STAMBP: variants seen among roughly 807,000 people sequenced by gnomAD.
The protein encoded by STAMBP is STAM-binding protein.
In STAMBP, 31 loss-of-function variants were observed where a neutral mutation model predicts 50.7. That is an observed-to-expected ratio of 0.61 (90% CI 0.46 to 0.83). The LOEUF (loss-of-function observed/expected upper bound fraction) is 0.83, where lower values mean the gene tolerates loss of function less well. STAMBP is among the 40% of genes least tolerant of loss of function. The pLI is 0.00. For missense variants in STAMBP, 472 were observed against 518.9 expected, an observed-to-expected ratio of 0.91 and a Z score of 0.88; for synonymous variants, 211 against 192.4, an observed-to-expected ratio of 1.10 and a Z score of -0.80.
At chr2:73,853,245 G>A (rs1038592289) in intron 7 of STAMBP, among the ~76,000 whole-genome samples, 3 of 152,114 alleles carry the variant, frequency 2.0e-5, no homozygotes, top group Admixed American at 2.0e-4. Flanking sequence ...AGTTTGTGGA[G>A]ACAATGAAGT....
At chr2:73,833,049 C>T (rs1208702465) in intron 2 of STAMBP, among the ~76,000 whole-genome samples, 1 of 152,158 alleles carries the variant, frequency 6.6e-6, no homozygotes, top group Non-Finnish European at 1.5e-5. Flanking sequence ...CAGAATGTTC[C>T]ACCCCATAGT....
At chr2:73,872,899 G>A (rs77774021) in intron 10 of STAMBP, among the ~76,000 whole-genome samples, 2,363 of 152,252 alleles carry the variant, frequency 0.016, 66 homozygotes, top group African/African-American at 0.054. Context: ...CACGTAAACC[G>A]TGATTACTTA....
intron 2 of STAMBP, among the ~76,000 whole-genome samples, chr2:73,832,112 CAT>C (rs897770640): frequency 7.7e-5 from 6 of 78,036 alleles, no homozygotes; most frequent in Admixed American, 4.0e-4. Context: ...TATATATACA[CAT>C]ATATATGGTG....
In STAMBP at chr2:73,862,499, C is replaced by G. The variant is rs1487433938; in HGVS notation, c.*240C>G. On this transcript the variant is annotated 3_prime_UTR_variant, in exon 10 of 10. Transcript: ENST00000394070. ...CAACTGTAACTCAGAAATTAAGTTACTCAGAAATTAAGTAGCTCAGAAATT... is the reference window on the plus strand; with the variant it reads ...CAACTGTAACTCAGAAATTAAGTTAGTCAGAAATTAAGTAGCTCAGAAATT... The G allele has an allele frequency of 6.1e-6, 2 of 327,814 alleles. No individual in the cohort carries two copies. Among genetic ancestry groups the G allele is most frequent in the Middle Eastern group, 8.3e-4 (1 of 1,202 alleles). 20.3% of individuals were successfully genotyped at this position (327,814 alleles called of 1,614,324 possible). A position where few individuals can be genotyped will look rare whatever the true frequency, so the allele number is the denominator to read the frequency against.
At chr2:73,857,878 A>G (rs866074897) in intron 7 of STAMBP, among the ~76,000 whole-genome samples, 5 of 152,168 alleles carry the variant, frequency 3.3e-5, no homozygotes, top group Middle Eastern at 3.4e-3. Flanking sequence ...GGACAATGCA[A>G]TCTAAGTTAT....
intron 4 of STAMBP, among the ~76,000 whole-genome samples, chr2:73,846,196 T>C (rs924283120): frequency 2.0e-5 from 3 of 152,170 alleles, no homozygotes; most frequent in African/African-American, 7.2e-5. Context: ...TTCTTTCTTT[T>C]TTTTTTTAAT....
chr2:73,832,108 T>TAC lies in STAMBP; in HGVS notation c.203+1053_203+1054dup, dbSNP rs1553376119. Among the ~76,000 whole-genome samples the TAC allele has an allele frequency of 6.2e-3, 754 of 121,656 alleles. 5 individuals are homozygous for TAC. Among genetic ancestry groups the TAC allele is most frequent in the South Asian group, 0.02 (79 of 4,038 alleles). 79.8% of individuals were successfully genotyped at this position (121,656 alleles called of 152,430 possible). On this transcript the variant is annotated intron_variant, in intron 2 of 9. Coordinates refer to ENST00000394070, the MANE Select transcript of STAMBP (RefSeq NM_213622.4). ...ACATATATATATATATATATATATATACACATATATATGGTGCACAATTCA... is the reference window on the plus strand; with the variant it reads ...ACATATATATATATATATATATATATACACACATATATATGGTGCACAATTCA...
chr2:73,849,904 G>A (rs1468544303), intron 6 of STAMBP, among the ~76,000 whole-genome samples: 4 of 152,112 alleles, frequency 2.6e-5, no homozygotes, highest in Admixed American at 6.5e-5. Context: ...TATAAGTATT[G>A]GGAATTTTGA....
intron 2 of STAMBP, among the ~76,000 whole-genome samples, chr2:73,836,388 C>G (rs1469374551): frequency 1.3e-5 from 2 of 152,222 alleles, no homozygotes; most frequent in African/African-American, 4.8e-5. Context: ...CCGGCAGCCT[C>G]CCCCTCCCCT....
chr2:73,847,591 G>T lies in STAMBP; in HGVS notation c.580G>T (p.Gly194Cys). ...EFGKVDPGLG[G>C]PLVPDLEKPS... is the part of the protein sequence containing the mutation. Reference sequence around the variant, plus strand: ...TGGGAAGGTAGACCCTGGCCTAGGTGGCCCGCTAGTGCCTGACTTGGAGAA... The same window carrying T: ...TGGGAAGGTAGACCCTGGCCTAGGTTGCCCGCTAGTGCCTGACTTGGAGAA... Residue 194 changes from glycine to cysteine, a missense_variant, in exon 5 of 10, where the codon GGC becomes TGC. By Grantham distance (159) the Gly-to-Cys change is radical. Coordinates refer to ENST00000394070, the MANE Select transcript of STAMBP (RefSeq NM_213622.4). 6.2e-7 allele frequency: 1 copy of T among 1,614,186 alleles called. No homozygotes were observed. The highest frequency in any genetic ancestry group is 8.5e-7 in the Non-Finnish European group (1 of 1,180,026).
intron 5 of STAMBP, among the ~76,000 whole-genome samples, chr2:73,848,693 C>T (rs1676431048): frequency 6.6e-6 from 1 of 152,242 alleles, no homozygotes; most frequent in African/African-American, 2.4e-5. Flanking sequence ...AAAGATCCCT[C>T]ATAGCCTCAT....
At chr2:73,854,293 C>G (rs545382589) in intron 7 of STAMBP, among the ~76,000 whole-genome samples, 37 of 152,184 alleles carry the variant, frequency 2.4e-4, no homozygotes, top group African/African-American at 8.7e-4. Flanking sequence ...TGCTGTTGAG[C>G]AAGAGGGAGA....
chr2:73,832,133 A>C (rs1008687585), intron 2 of STAMBP, among the ~76,000 whole-genome samples: 8 of 148,150 alleles, frequency 5.4e-5, no homozygotes, highest in Non-Finnish European at 8.9e-5. Flanking sequence ...TGCACAATTC[A>C]GAGGCACAAA....
chr2:73,860,766 T>C, intron 9 of STAMBP, among the ~76,000 whole-genome samples: 1 of 152,182 alleles, frequency 6.6e-6, no homozygotes, highest in East Asian at 1.9e-4. Context: ...TACTCCATGC[T>C]GGCCATGGAG....
intron 5 of STAMBP, among the ~76,000 whole-genome samples, chr2:73,848,782 T>C (rs916574747): frequency 6.6e-6 from 1 of 152,224 alleles, no homozygotes; most frequent in African/African-American, 2.4e-5. Context: ...GGAGACACAG[T>C]CAAACCACAG....
In STAMBP at chr2:73,862,971, G is replaced by GA. The variant is rs1678514040; in HGVS notation, c.*717dup. On this transcript the variant is annotated 3_prime_UTR_variant, in exon 10 of 10. Transcript: ENST00000394070. The stretch of plus-strand genomic sequence containing the variant: ...GTATGGTTGTTTTGGAAAGGTGAAG[G>GA]AAAAATGGAATTTGAGATATACTGA... 1 of 152,204 alleles carries GA rather than the reference G, an allele frequency of 6.6e-6. No homozygotes were observed. The highest frequency in any genetic ancestry group is 6.5e-5 in the Admixed American group (1 of 15,276). 9.4% of individuals were successfully genotyped at this position (152,204 alleles called of 1,614,324 possible).
In STAMBP at chr2:73,847,455, G is replaced by A. The variant is rs1359420590; in HGVS notation, c.444G>A (p.Arg148=). Reference sequence around the variant, plus strand: ...AAGAGCTGGAAAAGGAAAAACAGAGGGTAGCACAACAGAAGCAGCAGCAAT... The same window carrying A: ...AAGAGCTGGAAAAGGAAAAACAGAGAGTAGCACAACAGAAGCAGCAGCAAT... ...IQQELEKEKQ[R]VAQQKQQQLE... The change falls in exon 5 of 10, where the codon AGG becomes AGA. Residue 148 remains arginine (R), a synonymous_variant. Coordinates refer to ENST00000394070, the MANE Select transcript of STAMBP (RefSeq NM_213622.4). 2 of 1,614,144 alleles carry A rather than the reference G, an allele frequency of 1.2e-6. No homozygotes were observed. Among genetic ancestry groups the A allele is most frequent in the East Asian group, 4.5e-5 (2 of 44,886 alleles).
chr2:73,847,928 G>A (rs1676338178), intron 5 of STAMBP, among the ~76,000 whole-genome samples, 175 bp downstream of exon 5: 1 of 152,256 alleles, frequency 6.6e-6, no homozygotes, highest in East Asian at 1.9e-4. Flanking sequence ...TTATAAAAGT[G>A]GCCTTTGCTG....
intron 5 of STAMBP, among the ~76,000 whole-genome samples, chr2:73,848,500 AT>A (rs1404544913): frequency 2.0e-5 from 3 of 152,360 alleles, no homozygotes; most frequent in East Asian, 3.9e-4. Context: ...AAAAGTTCAG[AT>A]GAATGGGCAG....
Sources: gnomAD v4.1 joint callset for allele counts (sites outside exome capture counted in the v4.1 genomes callset) on GRCh38, gnomAD v4.1.1 for gene constraint, MANE v1.5 for transcripts, NCBI Gene and HGNC (gene_info 2026-07-23, HGNC 2026-07-21) for gene names.